Variants in GPC3 observed in about 807,000 individuals in gnomAD.
GPC3 encodes the protein glypican-3.
A neutral mutation model predicts 34.4 loss-of-function variants in GPC3; 3 were observed. The observed-to-expected ratio is 0.09, with a 90% confidence interval of 0.04 to 0.23. The LOEUF is 0.23. Among genes scored for constraint, GPC3 ranks in the 10% least tolerant of loss-of-function variants. GPC3 has a pLI of 1.00. For missense variants in GPC3, 351 were observed against 445.6 expected, an observed-to-expected ratio of 0.79 and a Z score of 1.91; for synonymous variants, 177 against 174.0, an observed-to-expected ratio of 1.02 and a Z score of -0.13.
intron 2 of GPC3, among the ~76,000 whole-genome samples, chrX:133,853,899 T>C (rs916306578): frequency 2.7e-5 from 3 of 112,014 alleles, no homozygotes; most frequent in Non-Finnish European, 1.9e-5. Context: ...GCTATGCTCT[T>C]ATAGAAGCTA....
intron 7 of GPC3, among the ~76,000 whole-genome samples, chrX:133,558,631 G>A: frequency 9.0e-6 from 1 of 110,863 alleles, no homozygotes; most frequent in South Asian, 3.8e-4. Context: ...GGTGGCTCAC[G>A]CCTGTAATCC....
intron 6 of GPC3, among the ~76,000 whole-genome samples, chrX:133,615,509 A>G (rs772707206): frequency 9.0e-6 from 1 of 110,747 alleles, no homozygotes; most frequent in African/African-American, 3.3e-5. Context: ...ACAGGAAAGA[A>G]AACCAAACAC....
chrX:133,950,543 A>G (rs1394619421), intron 2 of GPC3, among the ~76,000 whole-genome samples: 1 of 112,290 alleles, frequency 8.9e-6, no homozygotes, highest in African/African-American at 3.2e-5. Flanking sequence ...AAGCCGTCAC[A>G]TCAAATTTCA....
At chrX:133,559,106 G>C (rs2069519920) in intron 7 of GPC3, among the ~76,000 whole-genome samples, 1 of 103,337 alleles carries the variant, frequency 9.7e-6, no homozygotes, top group Non-Finnish European at 2.0e-5. Flanking sequence ...TTTTTCTTTT[G>C]AGACAAAATC....
At chrX:133,913,872 C>T (rs2076211801) in intron 2 of GPC3, among the ~76,000 whole-genome samples, 1 of 109,498 alleles carries the variant, frequency 9.1e-6, no homozygotes, top group African/African-American at 3.3e-5. Context: ...TTCCCAGACT[C>T]TCCAAGAGTC....
intron 6 of GPC3, among the ~76,000 whole-genome samples, chrX:133,635,312 T>C (rs1226619922): frequency 9.0e-6 from 1 of 111,204 alleles, no homozygotes; most frequent in Non-Finnish European, 1.9e-5. Context: ...GAGCACTTAT[T>C]TGAGTTATGC....
chrX:133,546,276 C>A (rs1389719713), intron 7 of GPC3, among the ~76,000 whole-genome samples: 1 of 110,603 alleles, frequency 9.0e-6, no homozygotes, highest in Non-Finnish European at 1.9e-5. Context: ...TCCTCACTTT[C>A]TTTTGTGTCA....
chrX:133,943,577 G>A (rs1057087521), intron 2 of GPC3, among the ~76,000 whole-genome samples: 2 of 112,162 alleles, frequency 1.8e-5, no homozygotes, highest in Non-Finnish European at 3.8e-5. Flanking sequence ...CCTTTTTGAA[G>A]GGAAGCTGGC....
At chrX:133,693,866 C>G (rs2071089214) in intron 4 of GPC3, among the ~76,000 whole-genome samples, 1 of 111,461 alleles carries the variant, frequency 9.0e-6, no homozygotes, top group African/African-American at 3.3e-5. Context: ...TGAAAATGGA[C>G]TTATGTCTGC....
At chrX:133,612,881 C>G (rs989565110) in intron 6 of GPC3, among the ~76,000 whole-genome samples, 3 of 112,066 alleles carry the variant, frequency 2.7e-5, no homozygotes, top group African/African-American at 9.7e-5. Flanking sequence ...TGCATTTAAA[C>G]ATGGCCTTCT....
intron 1 of GPC3, among the ~76,000 whole-genome samples, chrX:133,979,893 C>T (rs147111766): frequency 2.5e-3 from 281 of 111,707 alleles, no homozygotes; most frequent in African/African-American, 8.4e-3. Flanking sequence ...AACCCATTTA[C>T]AAGATTGGCT....
At chrX:133,774,344 T>A (rs116363222) in intron 2 of GPC3, among the ~76,000 whole-genome samples, 1,158 of 111,904 alleles carry the variant, frequency 0.01, 26 homozygotes, top group African/African-American at 0.036. Context: ...ACTGCTAGAA[T>A]AAAGCTGAAC....
chrX:133,661,917 A>G, intron 5 of GPC3, 67 bp from the exon 6 acceptor site: 1 of 1,171,018 alleles, frequency 8.5e-7, no homozygotes. Flanking sequence ...AGCTGACTGT[A>G]TTTGGCATCA....
At chrX:133,652,122 C>T (rs375501859) in intron 6 of GPC3, among the ~76,000 whole-genome samples, 3 of 112,050 alleles carry the variant, frequency 2.7e-5, no homozygotes, top group Admixed American at 9.5e-5. Context: ...ATCCAATTTC[C>T]ATCCCTTATT....
chrX:133,602,368 T>C (rs1603186341), intron 6 of GPC3, among the ~76,000 whole-genome samples: 1 of 110,850 alleles, frequency 9.0e-6, no homozygotes, highest in South Asian at 3.9e-4. Flanking sequence ...AGGAGGTGAG[T>C]AGCAGGTGAG....
At chrX:133,563,810 T>C (rs1353090106) in intron 7 of GPC3, among the ~76,000 whole-genome samples, 1 of 112,131 alleles carries the variant, frequency 8.9e-6, no homozygotes, top group Non-Finnish European at 1.9e-5. Context: ...AATGAATGTT[T>C]TATTTAACCA....
chrX:133,754,263 T>A, intron 2 of GPC3, 87 bp from the exon 3 acceptor site: 1 of 703,109 alleles, frequency 1.4e-6, no homozygotes, highest in Non-Finnish European at 2.2e-6. Flanking sequence ...GAGACTTCTC[T>A]ATTGCTGTGG....
chrX:133,638,247 T>A (rs1009180716), intron 6 of GPC3, among the ~76,000 whole-genome samples: 1 of 111,904 alleles, frequency 8.9e-6, no homozygotes, highest in African/African-American at 3.2e-5. Context: ...TTATTCATGA[T>A]AAAACAAGAG....
At chrX:133,795,488 T>C (rs1344203764) in intron 2 of GPC3, among the ~76,000 whole-genome samples, 1 of 111,577 alleles carries the variant, frequency 9.0e-6, no homozygotes, top group Non-Finnish European at 1.9e-5. Flanking sequence ...AGAGAAAATT[T>C]CCAGCTTCTA....
Sources: gnomAD v4.1 joint callset for allele counts (sites outside exome capture counted in the v4.1 genomes callset) on GRCh38, gnomAD v4.1.1 for gene constraint, MANE v1.5 for transcripts, NCBI Gene and HGNC (gene_info 2026-07-23, HGNC 2026-07-21) for gene names.